Variants in IGF1R observed in about 807,000 individuals in gnomAD.
IGF1R encodes the protein insulin-like growth factor 1 receptor.
Under a neutral mutation model 144.6 loss-of-function variants are expected in IGF1R, and 44 were observed. The ratio of observed to expected loss-of-function variants is 0.30; its 90% confidence interval spans 0.24 to 0.39. The LOEUF is 0.39. Among genes scored for constraint, IGF1R ranks in the 10% least tolerant of loss-of-function variants. The probability of loss-of-function intolerance (pLI) is 1.00; values close to 1 mark genes in which losing one functional copy is unlikely to be tolerated. For missense variants in IGF1R, 1,355 were observed against 1,833.7 expected, an observed-to-expected ratio of 0.74 and a Z score of 4.77; for synonymous variants, 795 against 722.8, an observed-to-expected ratio of 1.10 and a Z score of -1.60.
chr15:98,841,031 AAT>A (rs2141530711), intron 2 of IGF1R, among the ~76,000 whole-genome samples: 1 of 151,986 alleles, frequency 6.6e-6, no homozygotes, highest in African/African-American at 2.4e-5. Context: ...GAAGTGCTGG[AAT>A]TACAGGCGTG....
intron 2 of IGF1R, among the ~76,000 whole-genome samples, chr15:98,835,483 G>A (rs190065290): frequency 2.0e-3 from 311 of 152,288 alleles, no homozygotes; most frequent in Admixed American, 6.3e-3. Context: ...TGTTTCTCTC[G>A]ACAGAGTGGA....
chr15:98,799,974 C>A (rs181049380), intron 2 of IGF1R, among the ~76,000 whole-genome samples: 1 of 152,192 alleles, frequency 6.6e-6, no homozygotes, highest in Non-Finnish European at 1.5e-5. Flanking sequence ...TCCTTTCCTG[C>A]ACTCTGTTCT....
At chr15:98,860,759 T>C (rs1370392729) in intron 2 of IGF1R, among the ~76,000 whole-genome samples, 4 of 130,382 alleles carry the variant, frequency 3.1e-5, no homozygotes, top group African/African-American at 1.3e-4. Flanking sequence ...AATAGACTTA[T>C]TTCAGTAAGA....
Position 98,935,491 on chromosome 15 carries a change from C to T in IGF1R, c.3297+65C>T, listed in dbSNP as rs2016107744. On this transcript the variant is annotated intron_variant, in intron 17 of 20. Transcript: ENST00000650285. This position sits in a 1 kb window ranked among gnomAD's most constrained non-coding sequence, Gnocchi z 4.2. ...CTGCTCTCTTTTCCTTTATAATCTC[C>T]CTGCAAGGAAATGCTGTGTCTTTAA... 2 of 889,930 alleles carry T rather than the reference C, an allele frequency of 2.2e-6. No homozygotes were observed. Among genetic ancestry groups the T allele is most frequent in the East Asian group, 2.6e-5 (1 of 38,046 alleles). The allele number at this position is 889,930 out of a possible 1,614,324, so 55.1% of individuals were successfully genotyped here. A position where few individuals can be genotyped will look rare whatever the true frequency, so the allele number is the denominator to read the frequency against.
intron 2 of IGF1R, among the ~76,000 whole-genome samples, chr15:98,843,938 A>G (rs1170969725): frequency 6.6e-6 from 1 of 152,238 alleles, no homozygotes; most frequent in Non-Finnish European, 1.5e-5. Context: ...ATTCCTGTGA[A>G]CTATGCGTTT....
intron 2 of IGF1R, among the ~76,000 whole-genome samples, chr15:98,874,845 C>T (rs2012972738): frequency 6.6e-6 from 1 of 152,190 alleles, no homozygotes; most frequent in East Asian, 1.9e-4. Context: ...CTTCCCAGGT[C>T]CTCTGGGTGA....
At chr15:98,876,003 G>C (rs78738979) in intron 2 of IGF1R, among the ~76,000 whole-genome samples, 1,575 of 152,276 alleles carry the variant, frequency 0.01, 22 homozygotes, top group Non-Finnish European at 0.013. Flanking sequence ...TCCTAAAACT[G>C]TAAGTGATGT....
intron 19 of IGF1R, among the ~76,000 whole-genome samples, chr15:98,945,673 T>C (rs1596478640): frequency 6.6e-6 from 1 of 152,310 alleles, no homozygotes; most frequent in East Asian, 1.9e-4. Flanking sequence ...TTCTCTGGCC[T>C]TCGGTTGCTC....
chr15:98,765,125 TTGTAA>T (rs2055403078), intron 2 of IGF1R, among the ~76,000 whole-genome samples: 1 of 152,168 alleles, frequency 6.6e-6, no homozygotes, highest in Admixed American at 6.5e-5. Context: ...TTCATCCATG[TTGTAA>T]TGTATCAGTA....
At chr15:98,705,829 C>T (rs886586139) in intron 1 of IGF1R, among the ~76,000 whole-genome samples, 1 of 152,184 alleles carries the variant, frequency 6.6e-6, no homozygotes, top group Non-Finnish European at 1.5e-5. Context: ...GGCTTTATTC[C>T]TCTGAGATGA....
At chr15:98,778,695 G>A (rs2141387701) in intron 2 of IGF1R, among the ~76,000 whole-genome samples, 1 of 152,334 alleles carries the variant, frequency 6.6e-6, no homozygotes, top group South Asian at 2.1e-4. Context: ...CCTTGACTGT[G>A]GTCCCTTTTG....
At chr15:98,806,346 G>T (rs1231418183) in intron 2 of IGF1R, among the ~76,000 whole-genome samples, 1 of 152,156 alleles carries the variant, frequency 6.6e-6, no homozygotes, top group Non-Finnish European at 1.5e-5. Context: ...GAGGGCGCAC[G>T]AAGTGCTGTG....
chr15:98,891,513 G>A lies in IGF1R; in HGVS notation c.829G>A (p.Val277Met). The change falls in exon 3 of 21, where the codon GTG becomes ATG. Residue 277 changes from valine to methionine, a missense_variant. Val to Met is a conservative substitution (Grantham distance 21, BLOSUM62 1). This residue lies in a region of IGF1R where 880 missense variants were observed against 1,202.7 expected (regional missense o/e 0.73). Coordinates refer to ENST00000650285, the MANE Select transcript of IGF1R (RefSeq NM_000875.5). This position sits in a 1 kb window ranked among gnomAD's most constrained non-coding sequence, Gnocchi z 4.7. Reference sequence around the variant, plus strand: ...CTACAGGTTTGAGGGCTGGCGCTGTGTGGACCGTGACTTCTGCGCCAACAT... The same window carrying A: ...CTACAGGTTTGAGGGCTGGCGCTGTATGGACCGTGACTTCTGCGCCAACAT... ...NTYRFEGWRC[V>M]DRDFCANILS... 1 of 1,613,618 alleles carries A rather than the reference G, an allele frequency of 6.2e-7. No individual in the cohort carries two copies. Among genetic ancestry groups the A allele is most frequent in the South Asian group, 1.1e-5 (1 of 91,092 alleles).
chr15:98,946,457 T>A (rs758661192), intron 19 of IGF1R, among the ~76,000 whole-genome samples: 2 of 152,110 alleles, frequency 1.3e-5, no homozygotes, highest in Non-Finnish European at 2.9e-5. Flanking sequence ...TTGAGCAAGA[T>A]GTTGTAACCA....
intron 2 of IGF1R, among the ~76,000 whole-genome samples, chr15:98,888,804 G>T (rs2013769109): frequency 6.6e-6 from 1 of 152,234 alleles, no homozygotes; most frequent in Admixed American, 6.5e-5. Flanking sequence ...AGATAAAAGT[G>T]TATGTCTCTC....
rs1017522379 is a variant in IGF1R at position 98,725,886 on chromosome 15, G to A, written c.640+17779G>A. On this transcript the variant is annotated intron_variant, in intron 2 of 20. Coordinates refer to ENST00000650285, the MANE Select transcript of IGF1R (RefSeq NM_000875.5). ...AACCCTGATAAACCCATCAGATCTC[G>A]TCAGACTTATTCACTATCATGAGAA... Among the ~76,000 whole-genome samples, 7 of 152,282 alleles carry A rather than the reference G, an allele frequency of 4.6e-5. No individual in the cohort carries two copies. In the East Asian group the frequency reaches 1.4e-3, roughly 29 times the overall value.
At chr15:98,841,313 G>C (rs533575343) in intron 2 of IGF1R, among the ~76,000 whole-genome samples, 3 of 152,184 alleles carry the variant, frequency 2.0e-5, no homozygotes, top group Non-Finnish European at 4.4e-5. Context: ...TTTACTGGCT[G>C]TGCTTCCTTG....
At position 98,725,353 on chromosome 15, in the gene IGF1R, T is replaced by C. The variant is rs535582648; in HGVS notation, c.640+17246T>C. Among the ~76,000 whole-genome samples the C allele has an allele frequency of 3.3e-5, 5 of 152,360 alleles. No homozygotes were observed. The South Asian group carries it at 1.0e-3, about 32-fold the overall frequency. On this transcript the variant is annotated intron_variant, in intron 2 of 20. Transcript: ENST00000650285. ...ACACAAAAAAACCATGTCTAAATCC[T>C]AGCATTTCATCCCATGTTGATGAAA...
intron 2 of IGF1R, among the ~76,000 whole-genome samples, chr15:98,840,121 G>C (rs1000718877): frequency 6.6e-6 from 1 of 152,052 alleles, no homozygotes; most frequent in Non-Finnish European, 1.5e-5. Context: ...ATTCTTTTCT[G>C]TCCTTCCCGG....
Sources: gnomAD v4.1 joint callset for allele counts (sites outside exome capture counted in the v4.1 genomes callset) on GRCh38, gnomAD v4.1.1 for gene constraint, gnomAD v4.1.1 regional missense constraint, Gnocchi (gnomAD v3.1) non-coding constraint, MANE v1.5 for transcripts, NCBI Gene and HGNC (gene_info 2026-07-23, HGNC 2026-07-21) for gene names.